SSH2: variants seen among roughly 807,000 people sequenced by gnomAD.
SSH2 encodes the protein protein phosphatase Slingshot homolog 2.
A neutral mutation model predicts 135.2 loss-of-function variants in SSH2; 37 were observed. The observed-to-expected ratio is 0.27, with a 90% CI of 0.21 to 0.36. The LOEUF is 0.36. Among genes scored for constraint, SSH2 ranks in the 10% least tolerant of loss-of-function variants. The probability of loss-of-function intolerance (pLI) is 1.00; values close to 1 mark genes in which losing one functional copy is unlikely to be tolerated. For missense variants in SSH2, 1,408 were observed against 1,765.3 expected (o/e 0.80, Z 3.63); for synonymous variants, 628 against 646.2 (o/e 0.97, Z 0.43).
intron 1 of SSH2, among the ~76,000 whole-genome samples, chr17:29,908,860 T>C (rs2066709528): frequency 6.7e-6 from 1 of 148,778 alleles, no homozygotes; most frequent in South Asian, 2.1e-4. Context: ...GGGTGGGTCA[T>C]GAGGTCAGGA....
intron 8 of SSH2, among the ~76,000 whole-genome samples, chr17:29,675,354 C>T (rs1224173876): frequency 6.6e-6 from 1 of 152,076 alleles, no homozygotes; most frequent in Non-Finnish European, 1.5e-5. Flanking sequence ...GCATTCTATC[C>T]ATTCCGCTCC....
intron 15 of SSH2, among the ~76,000 whole-genome samples, chr17:29,634,860 A>T (rs1016146613): frequency 2.7e-5 from 4 of 147,294 alleles, no homozygotes; most frequent in African/African-American, 1.0e-4. Context: ...CTTCCCCTTG[A>T]TTCTTGAGTA....
intron 11 of SSH2, among the ~76,000 whole-genome samples, chr17:29,663,886 T>C (rs2037158024): frequency 6.6e-6 from 1 of 152,212 alleles, no homozygotes; most frequent in East Asian, 1.9e-4. Context: ...GTTACACTCA[T>C]TTGTTACACT....
intron 1 of SSH2, among the ~76,000 whole-genome samples, chr17:29,926,623 A>T (rs1256964650): frequency 1.3e-5 from 2 of 151,596 alleles, no homozygotes; most frequent in African/African-American, 4.8e-5. Flanking sequence ...CAGACTCTCC[A>T]CTACCTTCTC....
At chr17:29,638,741 G>T (rs2036023697) in intron 14 of SSH2, among the ~76,000 whole-genome samples, 1 of 151,904 alleles carries the variant, frequency 6.6e-6, no homozygotes, top group African/African-American at 2.4e-5. Flanking sequence ...TTTTTGTGGA[G>T]ATGGGGGTCT....
chr17:29,703,172 A>G, intron 3 of SSH2, 110 bp from the exon 4 acceptor site: 1 of 749,050 alleles, frequency 1.3e-6, no homozygotes, highest in South Asian at 1.5e-5. Context: ...TCCCAACTTC[A>G]TGGAACGAAG....
chr17:29,907,962 G>C (rs1013434934), intron 1 of SSH2, among the ~76,000 whole-genome samples: 1 of 151,574 alleles, frequency 6.6e-6, no homozygotes, highest in Non-Finnish European at 1.5e-5. Context: ...CTGGGACTAC[G>C]GGCATGTGCC....
At chr17:29,829,179 A>C (rs1050691327) in intron 2 of SSH2, among the ~76,000 whole-genome samples, 1 of 152,216 alleles carries the variant, frequency 6.6e-6, no homozygotes, top group Non-Finnish European at 1.5e-5. Context: ...AAAGGCTAAC[A>C]ATGTGCCAGG....
intron 3 of SSH2, among the ~76,000 whole-genome samples, chr17:29,752,649 A>T (rs2040981392): frequency 6.6e-6 from 1 of 152,132 alleles, no homozygotes; most frequent in South Asian, 2.1e-4. Context: ...AAAATCTTGA[A>T]ATCATAAGAT....
intron 2 of SSH2, among the ~76,000 whole-genome samples, chr17:29,813,021 G>A (rs962795564): frequency 7.9e-5 from 12 of 152,202 alleles, no homozygotes; most frequent in African/African-American, 2.6e-4. Context: ...GATTTTCACC[G>A]TATATAAAAG....
intron 3 of SSH2, among the ~76,000 whole-genome samples, chr17:29,749,340 A>G (rs1455157404): frequency 1.3e-5 from 2 of 152,184 alleles, no homozygotes; most frequent in African/African-American, 2.4e-5. Context: ...CGTGAACATC[A>G]TAGAGTATAC....
At chr17:29,761,186 G>C (rs1332282845) in intron 3 of SSH2, 3 of 1,289,740 alleles carry the variant, frequency 2.3e-6, no homozygotes, top group African/African-American at 1.5e-5. Context: ...GACCGCGTTG[G>C]CGGAGAAGTA....
chr17:29,710,031 G>C (rs2039378057), intron 3 of SSH2, among the ~76,000 whole-genome samples: 1 of 152,186 alleles, frequency 6.6e-6, no homozygotes, highest in Non-Finnish European at 1.5e-5. Context: ...GGAGGAAAAG[G>C]TCAACTAAGG....
At chr17:29,802,669 T>C (rs1438770924) in intron 2 of SSH2, among the ~76,000 whole-genome samples, 1 of 150,950 alleles carries the variant, frequency 6.6e-6, no homozygotes, top group African/African-American at 2.4e-5. Flanking sequence ...TAAGAGTATT[T>C]CAGGGAGAAG....
intron 3 of SSH2, among the ~76,000 whole-genome samples, chr17:29,785,853 G>A (rs1261240557): frequency 6.8e-6 from 1 of 146,618 alleles, no homozygotes; most frequent in Admixed American, 6.9e-5. Context: ...AGCCCAGGCT[G>A]GAGTGCAGTG....
rs767301305 is a variant in SSH2 at position 29,630,909 on chromosome 17, G to C, written c.4285C>G (p.Pro1429Ala). ...APRQQHGRTHPLRRLKKANDK... is the reference protein window; with the variant it reads ...APRQQHGRTHALRRLKKANDK... The stretch of plus-strand genomic sequence containing the variant: ...TTTGCCTTTTTCAGTCTCCTAAGGG[G>C]GTGAGTTCTGCCGTGTTGCTGACGG... Residue 1429 changes from proline to alanine, a missense_variant, in exon 16 of 16, where the codon CCC becomes GCC. Physicochemically the swap from Pro to Ala is conservative, Grantham distance 27. Coordinates refer to ENST00000540801, the MANE Select transcript of SSH2 (RefSeq NM_001282129.2). 6.2e-7 allele frequency: 1 copy of C among 1,604,516 alleles called. No homozygotes were observed. The highest frequency in any genetic ancestry group is 1.1e-5 in the South Asian group (1 of 90,808).
chr17:29,702,581 G>A (rs1313076006), intron 4 of SSH2, among the ~76,000 whole-genome samples: 1 of 152,204 alleles, frequency 6.6e-6, no homozygotes, highest in Non-Finnish European at 1.5e-5. Context: ...CTTGAACCCA[G>A]GAGGTGGAGG....
At chr17:29,726,504 A>T (rs1042768698) in intron 3 of SSH2, among the ~76,000 whole-genome samples, 1 of 152,200 alleles carries the variant, frequency 6.6e-6, no homozygotes, top group African/African-American at 2.4e-5. Context: ...TGAAACTTAG[A>T]AAAAGGGAGA....
intron 14 of SSH2, chr17:29,639,761 CTG>C (rs2150979070): frequency 6.6e-6 from 1 of 152,174 alleles, no homozygotes; most frequent in Admixed American, 6.5e-5. Flanking sequence ...GGCAAGCTGA[CTG>C]TTTGGATAGG....
Sources: gnomAD v4.1 joint callset for allele counts (sites outside exome capture counted in the v4.1 genomes callset) on GRCh38, gnomAD v4.1.1 for gene constraint, MANE v1.5 for transcripts, NCBI Gene and HGNC (gene_info 2026-07-23, HGNC 2026-07-21) for gene names.